The following TERF1 variants were observed in gnomAD, a reference collection of about 807,000 sequenced individuals.
TERF1 encodes the protein telomeric repeat-binding factor 1.
TERF1 carries 20 observed loss-of-function variants against 55.1 expected under a neutral mutation model. The observed-to-expected ratio is 0.36, with a 90% CI of 0.26 to 0.53. The LOEUF is 0.53. TERF1 is among the 20% of genes least tolerant of loss of function. The pLI, the probability that TERF1 is intolerant of heterozygous loss-of-function variation, is 0.91. For synonymous variants in TERF1, 168 were observed against 181.2 expected, an observed-to-expected ratio of 0.93 and a Z score of 0.59; for missense variants, 439 against 535.7, an observed-to-expected ratio of 0.82 and a Z score of 1.78.
In TERF1 at chr8:73,037,804, T is replaced by TATATATTATATATAATATATAGTATAATA. The variant is rs1361450954; in HGVS notation, c.1040-1306_1040-1305insTATATATAATATATAGTATAATAATATAT. Among the ~76,000 whole-genome samples the TATATATTATATATAATATATAGTATAATA allele has an allele frequency of 2.0e-3, 192 of 96,724 alleles. 4 individuals carry two copies. Among genetic ancestry groups the TATATATTATATATAATATATAGTATAATA allele is most frequent in the African/African-American group, 8.7e-3 (183 of 21,132 alleles). 63.5% of individuals were successfully genotyped at this position (96,724 alleles called of 152,430 possible). On this transcript the variant is annotated intron_variant, in intron 8 of 9. Coordinates refer to ENST00000276603, the MANE Select transcript of TERF1 (RefSeq NM_017489.3). ...TTATATATAATATATAGTATAATAATATATATATTATATATAATATATAGT... is the reference window on the plus strand; with the variant it reads ...TTATATATAATATATAGTATAATAATATATATTATATATAATATATAGTATAATAATATATATTATATATAATATATAGT...
intron 8 of TERF1, among the ~76,000 whole-genome samples, chr8:73,037,661 AATAATATT>A (rs1429174793): frequency 8.2e-5 from 4 of 48,946 alleles, no homozygotes; most frequent in Non-Finnish European, 1.3e-4. Flanking sequence ...TTATATGTAT[AATAATATT>A]ATATTATATA....
intron 1 of TERF1, among the ~76,000 whole-genome samples, chr8:73,012,671 CAA>C (rs761401908): frequency 6.9e-5 from 8 of 116,028 alleles, no homozygotes; most frequent in Non-Finnish European, 5.5e-5. Flanking sequence ...GACTCTGTCT[CAA>C]AAAAAAAAAA....
At chr8:73,025,753 T>A (rs1808956326) in intron 5 of TERF1, among the ~76,000 whole-genome samples, 7 of 43,042 alleles carry the variant, frequency 1.6e-4, no homozygotes, top group East Asian at 1.3e-3. Flanking sequence ...AGACTCTGTC[T>A]CAAAAAAAAA....
At chr8:73,045,559 A>C (rs1809996313) in intron 9 of TERF1, among the ~76,000 whole-genome samples, 1 of 152,202 alleles carries the variant, frequency 6.6e-6, no homozygotes, top group East Asian at 1.9e-4. Flanking sequence ...CATAGGCAGA[A>C]CAGGTTTTTC....
In TERF1 at chr8:73,046,448, A is replaced by G; in HGVS notation, c.*311A>G. 1 of 175,208 alleles carries G rather than the reference A, an allele frequency of 5.7e-6. No individual in the cohort carries two copies. Among genetic ancestry groups the G allele is most frequent in the Admixed American group, 6.3e-5 (1 of 15,866 alleles). The allele number at this position is 175,208 out of a possible 1,614,324, so 10.9% of individuals were successfully genotyped here. A position where few individuals can be genotyped will look rare whatever the true frequency, so the allele number is the denominator to read the frequency against. ...AAAAAAAAAAAATTCCAGTTAACCT[A>G]TTTTGTGTCTGTAGGCTGACCTCAA... On this transcript the variant is annotated 3_prime_UTR_variant, in exon 10 of 10. Coordinates refer to ENST00000276603, the MANE Select transcript of TERF1 (RefSeq NM_017489.3).
chr8:73,037,470 ATATAT>A (rs1374519430), intron 8 of TERF1, among the ~76,000 whole-genome samples: 4 of 98,770 alleles, frequency 4.0e-5, no homozygotes, highest in Admixed American at 1.4e-4. Context: ...AACATATAAA[ATATAT>A]TAAATATATT....
In TERF1 at chr8:73,037,623, AT is replaced by A. The variant is rs1218190021; in HGVS notation, c.1040-1492del. ...ATCATAAATTTATTATATATATTAT[AT>A]ATTATATATAACATATATAATATAT... On this transcript the variant is annotated intron_variant, in intron 8 of 9. Coordinates refer to ENST00000276603, the MANE Select transcript of TERF1 (RefSeq NM_017489.3). Among the ~76,000 whole-genome samples the A allele has an allele frequency of 2.9e-5, 3 of 103,850 alleles. 1 individual carries two copies. The highest frequency in any genetic ancestry group is 7.9e-5 in the African/African-American group (2 of 25,240). 68.1% of individuals were successfully genotyped at this position (103,850 alleles called of 152,430 possible).
intron 8 of TERF1, among the ~76,000 whole-genome samples, chr8:73,035,699 C>G (rs1809480089): frequency 6.6e-6 from 1 of 152,098 alleles, no homozygotes; most frequent in African/African-American, 2.4e-5. Flanking sequence ...ATTTTAGTCC[C>G]CTAGCACCTG....
chr8:73,037,888 T>TATATAATATATATAAATATG (rs1809663422), intron 8 of TERF1, among the ~76,000 whole-genome samples: 1 of 121,166 alleles, frequency 8.3e-6, no homozygotes, highest in South Asian at 2.2e-4. Flanking sequence ...ATAAATATGA[T>TATATAATATATATAAATATG]ATATAATATA....
chr8:73,015,690 A>AT (rs1808474135), intron 2 of TERF1, among the ~76,000 whole-genome samples: 2 of 151,756 alleles, frequency 1.3e-5, no homozygotes, highest in South Asian at 4.2e-4. Context: ...ACAAAAAAAA[A>AT]TAAAAATAAA....
At chr8:73,013,658 T>C (rs895725104) in intron 1 of TERF1, 4 of 422,862 alleles carry the variant, frequency 9.5e-6, no homozygotes, top group Middle Eastern at 8.6e-4. Context: ...TGTAGACTGC[T>C]ACTTGTGAAA....
rs762882340 is a variant in TERF1, at chr8:73,009,173, A to G, written c.287A>G (p.Glu96Gly). 13 of 1,610,886 alleles carry G rather than the reference A, an allele frequency of 8.1e-6. No individual in the cohort carries two copies. The African/African-American group carries it at 1.7e-4, about 22-fold the overall frequency. Residue 96 changes from glutamate to glycine, a missense_variant, in exon 1 of 10, where the codon GAG (glutamate) becomes GGG (glycine). Glu to Gly is a moderately conservative substitution (Grantham distance 98). Coordinates refer to ENST00000276603, the MANE Select transcript of TERF1 (RefSeq NM_017489.3). ...CGAGCTTTCCGCGACGGCCGCTCCG[A>G]GGACTTCCGCAGGACCCGCAACAGC... The part of the protein sequence containing the change: ...LCRAFRDGRS[E>G]DFRRTRNSAE...
chr8:73,034,792 T>A (rs1313309438), intron 8 of TERF1, among the ~76,000 whole-genome samples: 1 of 151,512 alleles, frequency 6.6e-6, no homozygotes, highest in Non-Finnish European at 1.5e-5. Context: ...TTTTTTTTTT[T>A]ATCATCTCCA....
intron 6 of TERF1, among the ~76,000 whole-genome samples, chr8:73,027,456 A>G (rs55819847): frequency 7.9e-5 from 12 of 152,320 alleles, no homozygotes; most frequent in African/African-American, 2.9e-4. Context: ...TCACTGCTTC[A>G]TCTGGTGCTC....
Position 73,024,976 on chromosome 8 carries a change from A to G in TERF1, c.774+5A>G, listed in dbSNP as rs753666947. On this transcript the variant is annotated splice_donor_5th_base_variant and intron_variant, in intron 5 of 9. Coordinates refer to ENST00000276603, the MANE Select transcript of TERF1 (RefSeq NM_017489.3). ...TCATCAACCTTTCTAATGAAGGTAT[A>G]CATATTATTCAAGAGTGACTAATAA... 4.5e-5 allele frequency: 69 copies of G among 1,528,328 alleles called. 2 individuals are homozygous for G. The South Asian group carries it at 8.0e-4, about 18-fold the overall frequency. The allele number at this position is 1,528,328 out of a possible 1,614,324, so 94.7% of individuals were successfully genotyped here.
At chr8:73,041,802 A>T (rs1809843037) in intron 9 of TERF1, among the ~76,000 whole-genome samples, 1 of 152,076 alleles carries the variant, frequency 6.6e-6, no homozygotes, top group Non-Finnish European at 1.5e-5. Context: ...GCTCCTGGAG[A>T]TAAAACTCAC....
intron 6 of TERF1, among the ~76,000 whole-genome samples, chr8:73,027,766 T>C (rs761695469): frequency 1.1e-4 from 16 of 152,266 alleles, no homozygotes; most frequent in Non-Finnish European, 2.4e-4. Context: ...TATTTGGAAA[T>C]GGATGTAATA....
chr8:73,023,748 A>G (rs767338502), intron 4 of TERF1, among the ~76,000 whole-genome samples: 1 of 152,212 alleles, frequency 6.6e-6, no homozygotes, highest in Non-Finnish European at 1.5e-5. Context: ...CTATATTGAA[A>G]TACCACTTTC....
At chr8:73,041,615 A>G (rs1809835438) in intron 9 of TERF1, among the ~76,000 whole-genome samples, 1 of 152,190 alleles carries the variant, frequency 6.6e-6, no homozygotes, top group Admixed American at 6.5e-5. Flanking sequence ...AGGTTCTGGC[A>G]AAATTAGTTT....
Sources: gnomAD v4.1 joint callset for allele counts (sites outside exome capture counted in the v4.1 genomes callset) on GRCh38, gnomAD v4.1.1 for gene constraint, MANE v1.5 for transcripts, NCBI Gene and HGNC (gene_info 2026-07-23, HGNC 2026-07-21) for gene names.